Variants in ROBO2 observed in about 807,000 individuals in gnomAD.
ROBO2 encodes roundabout homolog 2.
A neutral mutation model predicts 160.8 loss-of-function variants in ROBO2; 53 were observed. That is an observed-to-expected ratio of 0.33 (90% CI 0.26 to 0.41). The LOEUF (loss-of-function observed/expected upper bound fraction) is 0.41. Ranked by LOEUF, ROBO2 falls within the 10% of genes least tolerant of loss-of-function variation. The probability of loss-of-function intolerance (pLI) is 1.00; values close to 1 mark genes in which losing one functional copy is unlikely to be tolerated. For missense variants in ROBO2, 1,577 were observed against 1,722.4 expected (o/e 0.92, Z 1.49); for synonymous variants, 664 against 611.7 (o/e 1.09, Z -1.26).
At chr3:76,592,197 AG>A in intron 2 of ROBO2, among the ~76,000 whole-genome samples, 1 of 152,248 alleles carries the variant, frequency 6.6e-6, no homozygotes, top group East Asian at 1.9e-4. Flanking sequence ...GTGCTTTGCA[AG>A]ATGGAAGAGA....
At chr3:77,406,640 A>G (rs886115547) in intron 2 of ROBO2, among the ~76,000 whole-genome samples, 1 of 152,066 alleles carries the variant, frequency 6.6e-6, no homozygotes. Context: ...TTTTCCCAAG[A>G]TATTAAAATA....
At chr3:77,632,624 T>C in intron 23 of ROBO2, 1 of 1,535,664 alleles carries the variant, frequency 6.5e-7, no homozygotes. Flanking sequence ...AAAGCTGGTT[T>C]TAGGCTGGAT....
rs533109094 is a variant in ROBO2, at chr3:77,614,047, A to C, written c.3294-3466A>C. 7.5e-4 allele frequency among the ~76,000 whole-genome samples: 114 copies of C among 152,304 alleles called. 1 individual carries two copies. Among genetic ancestry groups the C allele is most frequent in the African/African-American group, 2.6e-3 (107 of 41,580 alleles). Reference sequence around the variant, plus strand: ...TACAAAGAAAGATGAAAACAAATTAATTTATTTGAGCAGGAGATTCTTGTT... The same window carrying C: ...TACAAAGAAAGATGAAAACAAATTACTTTATTTGAGCAGGAGATTCTTGTT... On this transcript the variant is annotated intron_variant, in intron 21 of 25. Coordinates refer to ENST00000461745, the Ensembl canonical transcript of ROBO2.
At chr3:77,292,709 G>A (rs929879419) in intron 2 of ROBO2, among the ~76,000 whole-genome samples, 1 of 96,814 alleles carries the variant, frequency 1.0e-5, no homozygotes, top group African/African-American at 2.7e-5. Context: ...GATCACCCCA[G>A]ACATAAAGTA....
intron 2 of ROBO2, among the ~76,000 whole-genome samples, chr3:76,990,635 C>A (rs1003601095): frequency 3.9e-5 from 6 of 152,116 alleles, no homozygotes; most frequent in Non-Finnish European, 8.8e-5. Flanking sequence ...GATGGTCATG[C>A]AGTTGTTAAC....
intron 2 of ROBO2, among the ~76,000 whole-genome samples, chr3:76,088,379 G>A (rs2069100575): frequency 6.6e-6 from 1 of 151,946 alleles, no homozygotes; most frequent in Non-Finnish European, 1.5e-5. Context: ...GGATGTAATC[G>A]ACGTATAGAC....
chr3:75,926,176 A>C (rs1947285765), intron 1 of ROBO2, among the ~76,000 whole-genome samples: 1 of 152,182 alleles, frequency 6.6e-6, no homozygotes, highest in African/African-American at 2.4e-5. Context: ...TTTTGCAAGA[A>C]ATAAAATTCT....
chr3:76,408,717 T>C (rs1285203313), intron 2 of ROBO2, among the ~76,000 whole-genome samples: 1 of 152,070 alleles, frequency 6.6e-6, no homozygotes, highest in African/African-American at 2.4e-5. Context: ...GTTAAGATAT[T>C]CAGGGAAAAT....
chr3:76,472,674 A>G (rs1055765957), intron 2 of ROBO2, among the ~76,000 whole-genome samples: 1 of 152,164 alleles, frequency 6.6e-6, no homozygotes, highest in Non-Finnish European at 1.5e-5. Flanking sequence ...AAATGTTTAA[A>G]TGTCACATAT....
chr3:77,000,872 T>G (rs2061302031), intron 2 of ROBO2, among the ~76,000 whole-genome samples: 1 of 152,182 alleles, frequency 6.6e-6, no homozygotes, highest in East Asian at 1.9e-4. Context: ...GCTACCTCAT[T>G]TGTTACACAC....
chr3:77,336,275 G>A (rs1253765103), intron 2 of ROBO2, among the ~76,000 whole-genome samples: 1 of 152,170 alleles, frequency 6.6e-6, no homozygotes, highest in Non-Finnish European at 1.5e-5. Flanking sequence ...AGACTGAATA[G>A]TCAGACAGAA....
chr3:76,801,999 A>G (rs894813522), intron 2 of ROBO2, among the ~76,000 whole-genome samples: 2 of 152,202 alleles, frequency 1.3e-5, no homozygotes, highest in African/African-American at 4.8e-5. Context: ...ACACACCTGT[A>G]TTGATTAAGT....
chr3:76,505,062 A>G (rs1193160503), intron 2 of ROBO2, among the ~76,000 whole-genome samples: 5 of 152,210 alleles, frequency 3.3e-5, no homozygotes, highest in East Asian at 1.9e-4. Context: ...ATTGAAAAGG[A>G]GAGAAAGAAG....
chr3:77,023,433 A>C (rs1438497728), intron 2 of ROBO2, among the ~76,000 whole-genome samples: 1 of 152,304 alleles, frequency 6.6e-6, no homozygotes, highest in Admixed American at 6.5e-5. Flanking sequence ...CTTTTTGTAA[A>C]CCATTTTTTT....
At chr3:76,558,090 T>C (rs1054420280) in intron 2 of ROBO2, among the ~76,000 whole-genome samples, 1 of 152,044 alleles carries the variant, frequency 6.6e-6, no homozygotes, top group Admixed American at 6.6e-5. Flanking sequence ...ATATTCAAGA[T>C]AAACCCAGCT....
At chr3:76,838,894 A>G (rs1168450201) in intron 2 of ROBO2, among the ~76,000 whole-genome samples, 3 of 152,150 alleles carry the variant, frequency 2.0e-5, no homozygotes, top group Admixed American at 6.5e-5. Flanking sequence ...TAATGAGTAC[A>G]TGACATTCAA....
intron 2 of ROBO2, among the ~76,000 whole-genome samples, chr3:76,047,686 T>C (rs1559865483): frequency 6.6e-6 from 1 of 152,218 alleles, no homozygotes; most frequent in Non-Finnish European, 1.5e-5. Flanking sequence ...TAGGCTAGCC[T>C]TGAATCCAGT....
chr3:77,037,798 A>G (rs2063727364), upstream of ROBO2, among the ~76,000 whole-genome samples: 1 of 152,218 alleles, frequency 6.6e-6, no homozygotes, highest in Non-Finnish European at 1.5e-5. Context: ...TTCTAGTTGA[A>G]ATCCTCCAAT....
At chr3:76,770,435 G>GA (rs2061823056) in intron 2 of ROBO2, among the ~76,000 whole-genome samples, 1 of 151,156 alleles carries the variant, frequency 6.6e-6, no homozygotes, top group Admixed American at 6.6e-5. Flanking sequence ...TTATGAGAAA[G>GA]AAACACCTGG....
Sources: gnomAD v4.1 joint callset for allele counts (sites outside exome capture counted in the v4.1 genomes callset) on GRCh38, gnomAD v4.1.1 for gene constraint, MANE v1.5 for transcripts, NCBI Gene and HGNC (gene_info 2026-07-23, HGNC 2026-07-21) for gene names.